Variants in EYA4 observed in about 807,000 individuals in gnomAD.
EYA4 encodes protein phosphatase EYA4.
In EYA4, 31 loss-of-function variants were observed where a neutral mutation model predicts 87.9. That is an observed-to-expected ratio of 0.35 (90% CI 0.27 to 0.48). The LOEUF (loss-of-function observed/expected upper bound fraction) is 0.48. EYA4 is among the 20% of genes least tolerant of loss of function. EYA4 has a pLI of 0.99. For missense variants in EYA4, 678 were observed against 761.4 expected, an observed-to-expected ratio of 0.89 and a Z score of 1.29; for synonymous variants, 263 against 270.6, an observed-to-expected ratio of 0.97 and a Z score of 0.28.
chr6:133,462,298 T>C (rs1420320425), intron 7 of EYA4, 37 bp from the exon 8 acceptor site: 1 of 1,611,958 alleles, frequency 6.2e-7, no homozygotes, highest in Middle Eastern at 1.7e-4. Flanking sequence ...ATACACAGTC[T>C]TTGTTGCCAC....
chr6:133,498,572 T>A (rs1265145987), intron 13 of EYA4, among the ~76,000 whole-genome samples: 2 of 152,224 alleles, frequency 1.3e-5, no homozygotes, highest in Non-Finnish European at 2.9e-5. Flanking sequence ...TCAGTCAGTG[T>A]TGCAGAGAAG....
Position 133,390,578 on chromosome 6 carries a change from C to T in EYA4, c.83+8137C>T, listed in dbSNP as rs140884327. Among the ~76,000 whole-genome samples the T allele has an allele frequency of 1.0e-3, 157 of 152,250 alleles. 2 individuals carry two copies. Among genetic ancestry groups the T allele is most frequent in the Non-Finnish European group, 1.5e-3 (101 of 68,022 alleles). ...GCTTGAGTCTCATTTTGTATTCTAC[C>T]TATCGTTCCAAACTGACATAGCAGT... On this transcript the variant is annotated intron_variant, in intron 3 of 19. Coordinates refer to ENST00000355286, the MANE Select transcript of EYA4 (RefSeq NM_004100.5).
chr6:133,529,246 C>T lies in EYA4; in HGVS notation c.*441C>T, dbSNP rs1460136789. On this transcript the variant is annotated 3_prime_UTR_variant, in exon 20 of 20. Transcript: ENST00000355286. ...CCCAGAAAATCTGAATTGGAATGCA[C>T]TCAGACTGTATAAGGACAGTCCTAT... 8.9e-7 allele frequency: 1 copy of T among 1,126,354 alleles called. No individual in the cohort carries two copies. Among genetic ancestry groups the T allele is most frequent in the African/African-American group, 1.6e-5 (1 of 61,726 alleles). The allele number at this position is 1,126,354 out of a possible 1,614,324, so 69.8% of individuals were successfully genotyped here.
At chr6:133,435,835 G>A (rs1046124225) in intron 3 of EYA4, among the ~76,000 whole-genome samples, 6 of 142,654 alleles carry the variant, frequency 4.2e-5, no homozygotes, top group East Asian at 2.4e-4. Context: ...ATGTGCACGC[G>A]TGTACACACA....
At chr6:133,275,459 A>G (rs2128270406) in intron 2 of EYA4, among the ~76,000 whole-genome samples, 1 of 151,646 alleles carries the variant, frequency 6.6e-6, no homozygotes, top group African/African-American at 2.4e-5. Flanking sequence ...CTGTCGTTTG[A>G]GCTGTTTTGC....
At chr6:133,344,806 A>G (rs148511904) in intron 2 of EYA4, among the ~76,000 whole-genome samples, 5 of 152,230 alleles carry the variant, frequency 3.3e-5, no homozygotes, top group African/African-American at 1.2e-4. Context: ...CTTTTCATTT[A>G]CTCATTCCAT....
chr6:133,400,993 A>T (rs1202590092), intron 3 of EYA4, among the ~76,000 whole-genome samples: 1 of 152,210 alleles, frequency 6.6e-6, no homozygotes, highest in Non-Finnish European at 1.5e-5. Context: ...AATCAACCCA[A>T]GTGCCCATAG....
intron 2 of EYA4, among the ~76,000 whole-genome samples, chr6:133,328,693 A>C (rs934234796): frequency 2.1e-5 from 3 of 140,876 alleles, no homozygotes; most frequent in Non-Finnish European, 3.2e-5. Context: ...ATGGATAGAC[A>C]AATAGATACA....
chr6:133,445,045 T>C (rs1215248618), intron 3 of EYA4, among the ~76,000 whole-genome samples: 1 of 152,164 alleles, frequency 6.6e-6, no homozygotes, highest in Non-Finnish European at 1.5e-5. Context: ...CTTCTTGGGG[T>C]TAATTGAATT....
intron 17 of EYA4, 120 bp from the exon 18 acceptor site, chr6:133,522,936 G>T: frequency 1.3e-6 from 1 of 793,736 alleles, no homozygotes; most frequent in Admixed American, 2.0e-5. Context: ...ATAGGCAATA[G>T]TAATGAATTT....
At chr6:133,497,364 T>C (rs1484235306) in intron 13 of EYA4, among the ~76,000 whole-genome samples, 2 of 152,216 alleles carry the variant, frequency 1.3e-5, no homozygotes, top group African/African-American at 4.8e-5. Flanking sequence ...TACTTCCATT[T>C]ATAAATTAAA....
rs187233469 is a variant in EYA4 at position 133,466,500 on chromosome 6, C to T, written c.804+1642C>T. 2.0e-3 allele frequency among the ~76,000 whole-genome samples: 307 copies of T among 152,188 alleles called. 2 individuals carry two copies. The highest frequency in any genetic ancestry group is 3.4e-3 in the Non-Finnish European group (228 of 68,018). Reference sequence around the variant, plus strand: ...GGAGTAGATCAGATCTGATTCCTGCCTCATAGAGCTTACAGCCTACTGGGA... The same window carrying T: ...GGAGTAGATCAGATCTGATTCCTGCTTCATAGAGCTTACAGCCTACTGGGA... On this transcript the variant is annotated intron_variant, in intron 10 of 19. Coordinates refer to ENST00000355286, the MANE Select transcript of EYA4 (RefSeq NM_004100.5).
At chr6:133,455,738 A>G (rs966271181) in intron 5 of EYA4, among the ~76,000 whole-genome samples, 3 of 152,150 alleles carry the variant, frequency 2.0e-5, no homozygotes, top group African/African-American at 7.2e-5. Context: ...CCTTGCTGCT[A>G]TGATATATGT....
chr6:133,530,207 C>T lies in EYA4; in HGVS notation c.*1402C>T. 2.0e-6 allele frequency: 2 copies of T among 985,404 alleles called. No homozygotes were observed. The highest frequency in any genetic ancestry group is 2.4e-6 in the Non-Finnish European group (2 of 829,928). The allele number at this position is 985,404 out of a possible 1,614,324, so 61.0% of individuals were successfully genotyped here. On this transcript the variant is annotated 3_prime_UTR_variant, in exon 20 of 20. Transcript: ENST00000355286. ...AACAGTAAAATAATACCTGGTTCTC[C>T]ATCTGAATACATCAATGCAGGTTCT... is the stretch of plus-strand genomic sequence containing the variant.
intron 9 of EYA4, among the ~76,000 whole-genome samples, chr6:133,463,320 T>A (rs1426819468): frequency 2.0e-5 from 3 of 151,868 alleles, no homozygotes; most frequent in Non-Finnish European, 2.9e-5. Flanking sequence ...TAAATTTTTT[T>A]AAATTTTAGA....
chr6:133,351,807 G>T (rs945841538), intron 2 of EYA4, among the ~76,000 whole-genome samples: 1 of 152,100 alleles, frequency 6.6e-6, no homozygotes, highest in Non-Finnish European at 1.5e-5. Flanking sequence ...ATTTTCAAAT[G>T]TGTACAGAGG....
At chr6:133,386,544 T>C (rs1786765624) in intron 3 of EYA4, among the ~76,000 whole-genome samples, 1 of 151,940 alleles carries the variant, frequency 6.6e-6, no homozygotes. Context: ...TTCTCTTTGC[T>C]TTTCCTCTCT....
intron 2 of EYA4, among the ~76,000 whole-genome samples, chr6:133,319,345 A>G (rs2128349713): frequency 6.6e-6 from 1 of 152,346 alleles, no homozygotes; most frequent in South Asian, 2.1e-4. Context: ...TGTAATTGCC[A>G]GGAAACTAGA....
chr6:133,486,892 C>CA (rs1318728301), intron 13 of EYA4, among the ~76,000 whole-genome samples: 89 of 152,336 alleles, frequency 5.8e-4, no homozygotes, highest in African/African-American at 2.0e-3. Context: ...AATAAGTATC[C>CA]ACACAACACA....
Sources: allele counts gnomAD v4.1 joint callset (sites outside exome capture counted in the v4.1 genomes callset), GRCh38; gene constraint gnomAD v4.1.1; transcripts MANE v1.5; gene names NCBI Gene and HGNC (gene_info 2026-07-23, HGNC 2026-07-21).